The following MYH13 variants were observed in gnomAD, a reference collection of about 807,000 sequenced individuals.
MYH13 encodes the protein myosin-13.
Under a neutral mutation model 232.1 loss-of-function variants are expected in MYH13, and 177 were observed. The observed-to-expected ratio is 0.76, with a 90% CI of 0.67 to 0.86. The LOEUF (loss-of-function observed/expected upper bound fraction) is 0.86. Ranked by LOEUF, MYH13 falls within the 40% of genes least tolerant of loss-of-function variation. The pLI is 0.00. For missense variants in MYH13, 2,246 were observed against 2,405.9 expected, an observed-to-expected ratio of 0.93 and a Z score of 1.39; for synonymous variants, 884 against 923.5, an observed-to-expected ratio of 0.96 and a Z score of 0.78.
At chr17:10,363,607 C>T (rs2071810791) in intron 3 of MYH13, among the ~76,000 whole-genome samples, 1 of 152,074 alleles carries the variant, frequency 6.6e-6, no homozygotes, top group African/African-American at 2.4e-5. Flanking sequence ...CTGAATAAAT[C>T]CTCCAGGGAG....
At chr17:10,309,949 T>C in intron 33 of MYH13, 119 bp from the exon 34 acceptor site, 2 of 820,914 alleles carry the variant, frequency 2.4e-6, no homozygotes, top group Non-Finnish European at 3.4e-6. Flanking sequence ...AATTTAAATT[T>C]TTTTTTTTTT....
intron 2 of MYH13, among the ~76,000 whole-genome samples, chr17:10,370,200 T>C (rs2071867616): frequency 6.6e-6 from 1 of 152,258 alleles, no homozygotes; most frequent in Non-Finnish European, 1.5e-5. Flanking sequence ...GGCAGCCACG[T>C]CTCACACTGC....
In MYH13 at chr17:10,332,119, A is replaced by G. The variant is rs766971329; in HGVS notation, c.2278T>C (p.Phe760Leu). ...LNSIDVDREQ[F>L]RFGNTKVFFK... is the part of the protein sequence containing the mutation. ...CTCACCTTGGTGTTGCCGAACCTGA[A>G]CTGCTCCCGGTCCACATCGATGGAG... The change falls in exon 20 of 41, where the codon TTC becomes CTC. Residue 760 changes from phenylalanine to leucine, a missense_variant. Physicochemically the swap from Phe to Leu is conservative, Grantham distance 22. Coordinates refer to ENST00000252172, the MANE Select transcript of MYH13 (RefSeq NM_003802.3). 5.6e-5 allele frequency: 91 copies of G among 1,613,776 alleles called. No homozygotes were observed. Among genetic ancestry groups the G allele is most frequent in the Non-Finnish European group, 7.5e-5 (89 of 1,179,874 alleles).
At chr17:10,333,272 A>G (rs1199573257) in intron 18 of MYH13, 81 bp from the exon 19 acceptor site, 6 of 928,164 alleles carry the variant, frequency 6.5e-6, no homozygotes, top group Non-Finnish European at 8.4e-6. Flanking sequence ...AGACCCTCCA[A>G]CACATCCACA....
intron 35 of MYH13, 111 bp downstream of exon 35, chr17:10,309,123 C>T: frequency 8.6e-7 from 1 of 1,165,814 alleles, no homozygotes; most frequent in South Asian, 1.6e-5. Flanking sequence ...CCGGGTGCTC[C>T]TTCCCACGGC....
Position 10,312,671 on chromosome 17 carries a change from T to C in MYH13, c.4268A>G (p.Gln1423Arg). ...SKCASLEKTK[Q>R]RLQGEVEDLM... ...ATCCTCCACCTCTCCCTGCAGCCTC[T>C]GCTTGGTTTTCTCCAACGATGCGCA... Residue 1423 changes from glutamine (Q) to arginine (R), a missense_variant, in exon 31 of 41, where the codon CAG (glutamine) becomes CGG (arginine). Physicochemically the swap from Gln to Arg is conservative, Grantham distance 43 (BLOSUM62 1). Transcript: ENST00000252172. The C allele has an allele frequency of 6.2e-7, 1 of 1,613,582 alleles. No homozygotes were observed. Among genetic ancestry groups the C allele is most frequent in the Non-Finnish European group, 8.5e-7 (1 of 1,179,764 alleles).
intron 33 of MYH13, 98 bp from the exon 34 acceptor site, chr17:10,309,928 T>TA (rs996126873): frequency 2.9e-5 from 30 of 1,039,586 alleles, no homozygotes; most frequent in African/African-American, 2.9e-4. Context: ...TGCGTTTTTT[T>TA]AAAAAAATTA....
At chr17:10,370,813 A>C (rs2071872494) in intron 2 of MYH13, among the ~76,000 whole-genome samples, 1 of 152,166 alleles carries the variant, frequency 6.6e-6, no homozygotes, top group Non-Finnish European at 1.5e-5. Context: ...CCATTCCTTC[A>C]GTATTACACG....
chr17:10,306,484 T>C lies in MYH13; in HGVS notation c.5441A>G (p.Lys1814Arg). 1 of 1,614,164 alleles carries C rather than the reference T, an allele frequency of 6.2e-7. No individual in the cohort carries two copies. The highest frequency in any genetic ancestry group is 8.5e-7 in the Non-Finnish European group (1 of 1,180,036). Residue 1814 changes from lysine (K) to arginine (R), a missense_variant, in exon 37 of 41, where the codon AAG becomes AGG. Transcript: ENST00000252172. The surrounding 1 kb of genome is among the most constrained non-coding windows in gnomAD (Gnocchi z 4.3). The part of the protein sequence containing the change: ...AEQLALKGGK[K>R]QIQKLENRVR... ...CCGGTTCTCCAGTTTCTGGATCTGC[T>C]TCTTCCCGCCCTTCAGCGCCAGTTG...
chr17:10,354,754 C>T lies in MYH13; in HGVS notation c.931G>A (p.Asp311Asn), dbSNP rs371327620. Residue 311 changes from aspartate to asparagine, a missense_variant, in exon 11 of 41, where the codon GAC becomes AAC. By Grantham distance (23) the Asp-to-Asn change is conservative. Transcript: ENST00000252172. ...DLLLISTNPF[D>N]FPFVSQGEVT... ...TCTCCTTGGCTCACGAAGGGGAAGT[C>T]GAAGGGGTTGGTGGAGATCAGAAGC... 135 of 1,613,862 alleles carry T rather than the reference C, an allele frequency of 8.4e-5. No homozygotes were observed. The highest frequency in any genetic ancestry group is 4.3e-4 in the African/African-American group (32 of 75,002).
At chr17:10,340,711 A>G (rs2874357) in intron 16 of MYH13, among the ~76,000 whole-genome samples, 118,279 of 151,838 alleles carry the variant, frequency 0.78, 46,552 homozygotes, top group East Asian at 0.88. Context: ...TAGAGATGAG[A>G]TTTCACCATG....
chr17:10,309,413 C>A lies in MYH13; in HGVS notation c.4990G>T (p.Ala1664Ser). The A allele has an allele frequency of 6.2e-7, 1 of 1,606,650 alleles. No homozygotes were observed. The highest frequency in any genetic ancestry group is 8.5e-7 in the Non-Finnish European group (1 of 1,176,358). The change falls in exon 35 of 41, where the codon GCC becomes TCC. Residue 1664 changes from alanine (A) to serine (S), a missense_variant. Coordinates refer to ENST00000252172, the MANE Select transcript of MYH13 (RefSeq NM_003802.3). The stretch of plus-strand genomic sequence containing the variant: ...TTGAGGTCCTCATTGCTCCTCAGGG[C>A]GTCATCGAGATGCAGCTGGGAGTCC... ...LKDSQLHLDDALRSNEDLKEQ... is the reference protein window; with the variant it reads ...LKDSQLHLDDSLRSNEDLKEQ...
intron 8 of MYH13, among the ~76,000 whole-genome samples, chr17:10,356,990 G>A (rs1426145424): frequency 6.6e-6 from 1 of 151,890 alleles, no homozygotes; most frequent in African/African-American, 2.4e-5. Flanking sequence ...AGACAGAGTT[G>A]CCCTCTGTTG....
intron 16 of MYH13, among the ~76,000 whole-genome samples, chr17:10,343,317 C>A (rs2071634029): frequency 6.6e-6 from 1 of 152,034 alleles, no homozygotes; most frequent in African/African-American, 2.4e-5. Context: ...CCGGCCTCAG[C>A]TGCCTGAGTA....
At chr17:10,355,256 A>G in intron 8 of MYH13, 109 bp from the exon 9 acceptor site, 1 of 1,194,510 alleles carries the variant, frequency 8.4e-7, no homozygotes, top group Non-Finnish European at 1.2e-6. Flanking sequence ...AAAATGCTAG[A>G]GAACAGAACT....
Position 10,354,760 on chromosome 17 carries a change from G to A in MYH13, c.925C>T (p.Pro309Ser), listed in dbSNP as rs1252118536. 1 of 1,613,958 alleles carries A rather than the reference G, an allele frequency of 6.2e-7. No homozygotes were observed. The highest frequency in any genetic ancestry group is 2.2e-5 in the East Asian group (1 of 44,890). The change falls in exon 11 of 41, where the codon CCC (proline) becomes TCC (serine). Residue 309 changes from proline (P) to serine (S), a missense_variant. Transcript: ENST00000252172. ...TGGCTCACGAAGGGGAAGTCGAAGG[G>A]GTTGGTGGAGATCAGAAGCAGGTCT... is the stretch of plus-strand genomic sequence containing the variant. ...LIDLLLISTNPFDFPFVSQGE... is the reference protein window; with the variant it reads ...LIDLLLISTNSFDFPFVSQGE...
At chr17:10,320,090 G>T in intron 26 of MYH13, 63 bp downstream of exon 26, 1 of 1,222,020 alleles carries the variant, frequency 8.2e-7, no homozygotes, top group Non-Finnish European at 1.2e-6. Flanking sequence ...CAAGGGGGAA[G>T]GAGTGAGGAG....
chr17:10,349,073 C>A (rs1597386532), intron 12 of MYH13, among the ~76,000 whole-genome samples: 1 of 145,032 alleles, frequency 6.9e-6, no homozygotes, highest in South Asian at 2.3e-4. Flanking sequence ...CCCTTCCCTT[C>A]CCTTCTCCCC....
chr17:10,354,589 T>C (rs1396677256), intron 11 of MYH13, 91 bp downstream of exon 11: 1 of 1,203,042 alleles, frequency 8.3e-7, no homozygotes, highest in Non-Finnish European at 1.2e-6. Flanking sequence ...TATCCCTGGA[T>C]TTCAGCTTTC....
Sources: gnomAD v4.1 joint callset for allele counts (sites outside exome capture counted in the v4.1 genomes callset) on GRCh38, gnomAD v4.1.1 for gene constraint, Gnocchi (gnomAD v3.1) non-coding constraint, MANE v1.5 for transcripts, NCBI Gene and HGNC (gene_info 2026-07-23, HGNC 2026-07-21) for gene names.